Variants in KCNQ1 observed in about 807,000 individuals in gnomAD.
The protein encoded by KCNQ1 is potassium voltage-gated channel subfamily KQT member 1.
Under a neutral mutation model 72.4 loss-of-function variants are expected in KCNQ1, and 49 were observed. That is an observed-to-expected ratio of 0.68 (90% CI 0.54 to 0.86). The LOEUF (loss-of-function observed/expected upper bound fraction) is 0.86, where lower values mean the gene tolerates loss of function less well. KCNQ1 is among the 40% of genes least tolerant of loss of function. The pLI, the probability that KCNQ1 is intolerant of heterozygous loss-of-function variation, is 0.00. For missense variants in KCNQ1, 790 were observed against 945.1 expected, an observed-to-expected ratio of 0.84 and a Z score of 2.15; for synonymous variants, 450 against 412.6, an observed-to-expected ratio of 1.09 and a Z score of -1.10.
chr11:2,619,954 T>A, intron 10 of KCNQ1: 1 of 351,120 alleles, frequency 2.8e-6, no homozygotes, highest in Non-Finnish European at 4.9e-6. Flanking sequence ...GGAGTGTGGA[T>A]AAGCCTATCA....
chr11:2,826,395 C>T lies in KCNQ1; in HGVS notation c.1795-21372C>T, dbSNP rs1258223206. On this transcript the variant is annotated intron_variant, in intron 15 of 15. Coordinates refer to ENST00000155840, the MANE Select transcript of KCNQ1 (RefSeq NM_000218.3). The surrounding 1 kb of genome is among the most constrained non-coding windows in gnomAD (Gnocchi z 4.2). ...CAGGCCAGCTGGGGGTCAGAACCCG[C>T]GGCCAGGCCCAGCAGCCGCCTCTTG... Among the ~76,000 whole-genome samples, 2 of 152,256 alleles carry T rather than the reference C, an allele frequency of 1.3e-5. No individual in the cohort carries two copies. Among genetic ancestry groups the T allele is most frequent in the African/African-American group, 2.4e-5 (1 of 41,466 alleles).
chr11:2,496,046 T>C (rs1846909035), intron 1 of KCNQ1, among the ~76,000 whole-genome samples: 1 of 152,216 alleles, frequency 6.6e-6, no homozygotes, highest in South Asian at 2.1e-4. Context: ...TTATTTAGGA[T>C]AGTTAGCTCT....
chr11:2,834,695 G>A (rs1337239844), intron 15 of KCNQ1, among the ~76,000 whole-genome samples: 1 of 152,236 alleles, frequency 6.6e-6, no homozygotes, highest in Non-Finnish European at 1.5e-5. Context: ...GAACAAGCTT[G>A]GAAGGGTGTC....
At chr11:2,666,531 C>T (rs1850071174) in intron 11 of KCNQ1, 2 of 398,580 alleles carry the variant, frequency 5.0e-6, no homozygotes, top group Non-Finnish European at 8.8e-6. Flanking sequence ...CTTTCATCCA[C>T]ATCACTACTA....
intron 15 of KCNQ1, among the ~76,000 whole-genome samples, chr11:2,814,036 T>A (rs549144312): frequency 1.6e-4 from 24 of 148,352 alleles, no homozygotes; most frequent in African/African-American, 5.3e-4. Flanking sequence ...GATGGGTGTG[T>A]GGGTATGTGG....
intron 15 of KCNQ1, among the ~76,000 whole-genome samples, chr11:2,799,375 A>AGTGTGTGTGTGTGTGTGTGTGT (rs3079043): frequency 3.4e-5 from 5 of 147,400 alleles, no homozygotes; most frequent in Admixed American, 3.4e-4. Flanking sequence ...TGTAAGTTCG[A>AGTGTGTGTGTGTGTGTGTGTGT]GTGTGTGTGT....
At chr11:2,700,367 G>A (rs1564863270) in intron 11 of KCNQ1, among the ~76,000 whole-genome samples, 1 of 152,148 alleles carries the variant, frequency 6.6e-6, no homozygotes, top group Non-Finnish European at 1.5e-5. Flanking sequence ...TCTGCGTGAT[G>A]TGTTCACCAC....
At position 2,762,964 on chromosome 11, in the gene KCNQ1, T is replaced by G. The variant is rs1161792589; in HGVS notation, c.1515-5880T>G. On this transcript the variant is annotated intron_variant, in intron 11 of 15. Transcript: ENST00000155840. The surrounding 1 kb of genome is among the most constrained non-coding windows in gnomAD (Gnocchi z 4.3). ...CTGTGGCCTCATGAAACCCTAGGAGTGTCAGACCTCTGACTTTGTTGTTCT... is the reference window on the plus strand; with the variant it reads ...CTGTGGCCTCATGAAACCCTAGGAGGGTCAGACCTCTGACTTTGTTGTTCT... 6.6e-6 allele frequency among the ~76,000 whole-genome samples: 1 copy of G among 152,156 alleles called. No individual in the cohort carries two copies. Among genetic ancestry groups the G allele is most frequent in the Non-Finnish European group, 1.5e-5 (1 of 68,034 alleles).
At chr11:2,665,173 C>T in intron 11 of KCNQ1, 1 of 398,750 alleles carries the variant, frequency 2.5e-6, no homozygotes, top group South Asian at 1.3e-4. Flanking sequence ...CTCTGGGCGG[C>T]CAGGACTCAG....
Position 2,816,427 on chromosome 11 carries a change from TCTC to T in KCNQ1, c.1795-31337_1795-31335del, listed in dbSNP as rs543786691. ...CCACACTCACCCTGTGGTCCAGTGATCTCCTTCTGAGAATCCGCCCTGGAGCAG... is the reference window on the plus strand; with the variant it reads ...CCACACTCACCCTGTGGTCCAGTGATCTTCTGAGAATCCGCCCTGGAGCAG... On this transcript the variant is annotated intron_variant, in intron 15 of 15. Transcript: ENST00000155840. The surrounding 1 kb of genome is among the most constrained non-coding windows in gnomAD (Gnocchi z 6.8). Among the ~76,000 whole-genome samples the T allele has an allele frequency of 4.6e-5, 7 of 152,254 alleles. No homozygotes were observed. In the East Asian group the frequency reaches 9.7e-4, roughly 21 times the overall value.
rs948161853 is a variant in KCNQ1 at position 2,815,983 on chromosome 11, C to T, written c.1795-31784C>T. 2.0e-5 allele frequency among the ~76,000 whole-genome samples: 3 copies of T among 152,098 alleles called. No individual in the cohort carries two copies. Among genetic ancestry groups the T allele is most frequent in the East Asian group, 1.9e-4 (1 of 5,190 alleles). On this transcript the variant is annotated intron_variant, in intron 15 of 15. Coordinates refer to ENST00000155840, the MANE Select transcript of KCNQ1 (RefSeq NM_000218.3). The surrounding 1 kb of genome is among the most constrained non-coding windows in gnomAD (Gnocchi z 5.4). ...CCAGCTGGATATGTTCCCTTGCAGG[C>T]GGGCAGGGCTCTGGGGAGTCCAAGT...
chr11:2,766,150 CTA>C lies in KCNQ1; in HGVS notation c.1515-2692_1515-2691del, dbSNP rs1846494955. 6.6e-6 allele frequency among the ~76,000 whole-genome samples: 1 copy of C among 152,144 alleles called. No individual in the cohort carries two copies. Among genetic ancestry groups the C allele is most frequent in the Non-Finnish European group, 1.5e-5 (1 of 68,034 alleles). On this transcript the variant is annotated intron_variant, in intron 11 of 15. Transcript: ENST00000155840. This position sits in a 1 kb window ranked among gnomAD's most constrained non-coding sequence, Gnocchi z 4.4. ...AATTTTATTTCTCTGGTAAAATTGT[CTA>C]TCTTTTCATCTATTTTCTTGAACCT...
At position 2,588,540 on chromosome 11, in the gene KCNQ1, C is replaced by T. The variant is rs946867172; in HGVS notation, c.1252-173C>T. On this transcript the variant is annotated intron_variant, in intron 9 of 15. Transcript: ENST00000155840. The surrounding 1 kb of genome is among the most constrained non-coding windows in gnomAD (Gnocchi z 5.6). ...AAGCCCCCCACGTGACCCCCAGCAG[C>T]CCTGCCCTGTCTCTGTGTGAAGACA... is the stretch of plus-strand genomic sequence containing the variant. Among the ~76,000 whole-genome samples the T allele has an allele frequency of 3.3e-5, 5 of 152,222 alleles. No individual in the cohort carries two copies. Among genetic ancestry groups the T allele is most frequent in the African/African-American group, 9.6e-5 (4 of 41,458 alleles).
In KCNQ1 at chr11:2,687,063, C is replaced by G; in HGVS notation, c.1514+24982C>G. 1 of 398,648 alleles carries G rather than the reference C, an allele frequency of 2.5e-6. No homozygotes were observed. Among genetic ancestry groups the G allele is most frequent in the Non-Finnish European group, 4.4e-6 (1 of 226,084 alleles). 24.7% of individuals were successfully genotyped at this position (398,648 alleles called of 1,614,324 possible). ...CCCAGCTCTGGGGGACAAGGACCCA[C>G]AAAGTGATGCAAGATATCCTGAGTT... On this transcript the variant is annotated intron_variant, in intron 11 of 15. Coordinates refer to ENST00000155840, the MANE Select transcript of KCNQ1 (RefSeq NM_000218.3). The surrounding 1 kb of genome is among the most constrained non-coding windows in gnomAD (Gnocchi z 5.0).
At position 2,830,006 on chromosome 11, in the gene KCNQ1, G is replaced by A. The variant is rs1847911337; in HGVS notation, c.1795-17761G>A. Among the ~76,000 whole-genome samples the A allele has an allele frequency of 1.8e-5, 2 of 108,442 alleles. No individual in the cohort carries two copies. Among genetic ancestry groups the A allele is most frequent in the African/African-American group, 3.5e-5 (1 of 28,238 alleles). The allele number at this position is 108,442 out of a possible 152,430, so 71.1% of individuals were successfully genotyped here. A position where few individuals can be genotyped will look rare whatever the true frequency, so the allele number is the denominator to read the frequency against. On this transcript the variant is annotated intron_variant, in intron 15 of 15. Coordinates refer to ENST00000155840, the MANE Select transcript of KCNQ1 (RefSeq NM_000218.3). This position sits in a 1 kb window ranked among gnomAD's most constrained non-coding sequence, Gnocchi z 7.7. Reference sequence around the variant, plus strand: ...GGGAGGAGGAAGGAAGAGGGAGGAGGAAGGAGGAGGAAGGAGGAGGAAGGA... The same window carrying A: ...GGGAGGAGGAAGGAAGAGGGAGGAGAAAGGAGGAGGAAGGAGGAGGAAGGA...
chr11:2,678,029 TTTC>T lies in KCNQ1; in HGVS notation c.1514+15951_1514+15953del. ...AAATGCTTAAAATCATTTGTTTTTC[TTTC>T]TTGTGAACTATTTCTTCATACCCTT... is the stretch of plus-strand genomic sequence containing the variant. On this transcript the variant is annotated intron_variant, in intron 11 of 15. Transcript: ENST00000155840. The surrounding 1 kb of genome is among the most constrained non-coding windows in gnomAD (Gnocchi z 4.9). 1 of 396,498 alleles carries T rather than the reference TTTC, an allele frequency of 2.5e-6. No individual in the cohort carries two copies. The highest frequency in any genetic ancestry group is 4.4e-6 in the Non-Finnish European group (1 of 225,592). The allele number at this position is 396,498 out of a possible 1,614,324, so 24.6% of individuals were successfully genotyped here. A position where few individuals can be genotyped will look rare whatever the true frequency, so the allele number is the denominator to read the frequency against.
intron 1 of KCNQ1, among the ~76,000 whole-genome samples, chr11:2,517,679 T>G (rs1314958982): frequency 1.3e-5 from 2 of 152,202 alleles, no homozygotes; most frequent in Non-Finnish European, 2.9e-5. Flanking sequence ...CCTAAGACGC[T>G]TCTTCAGGGA....
At position 2,844,272 on chromosome 11, in the gene KCNQ1, G is replaced by C. The variant is rs541670094; in HGVS notation, c.1795-3495G>C. 1.4e-4 allele frequency among the ~76,000 whole-genome samples: 21 copies of C among 152,336 alleles called. No individual in the cohort carries two copies. The South Asian group carries it at 2.3e-3, about 17-fold the overall frequency. On this transcript the variant is annotated intron_variant, in intron 15 of 15. Transcript: ENST00000155840. ...CCAGGCCTGGGCCCTTCCCACAAGG[G>C]GGGCAGCAGCATGATGCATCAGACT...
At chr11:2,779,387 G>A (rs1846776108) in intron 15 of KCNQ1, among the ~76,000 whole-genome samples, 1 of 152,170 alleles carries the variant, frequency 6.6e-6, no homozygotes, top group African/African-American at 2.4e-5. Flanking sequence ...ATGGCCAGGA[G>A]TTTCTAGACA....
Sources: allele counts gnomAD v4.1 joint callset (sites outside exome capture counted in the v4.1 genomes callset), GRCh38; gene constraint gnomAD v4.1.1; non-coding constraint Gnocchi (gnomAD v3.1); transcripts MANE v1.5; gene names NCBI Gene and HGNC (gene_info 2026-07-23, HGNC 2026-07-21).